The following GYG1 variants were observed in gnomAD, a reference collection of about 807,000 sequenced individuals.
The protein encoded by GYG1 is glycogenin-1.
A neutral mutation model predicts 41.9 loss-of-function variants in GYG1; 44 were observed. The ratio of observed to expected loss-of-function variants is 1.05; its 90% CI spans 0.83 to 1.35. GYG1 has a LOEUF of 1.35. Among genes scored for constraint, GYG1 ranks in the 40% most tolerant of loss-of-function variants. GYG1 has a pLI of 0.00. For synonymous variants in GYG1, 141 were observed against 158.1 expected, an observed-to-expected ratio of 0.89 and a Z score of 0.81; for missense variants, 429 against 418.9, an observed-to-expected ratio of 1.02 and a Z score of -0.21.
rs1446800294 is a variant in GYG1, at chr3:149,028,704, A to C, written c.*1771A>C. 1.4e-5 allele frequency among the ~76,000 whole-genome samples: 2 copies of C among 142,928 alleles called. No homozygotes were observed. The highest frequency in any genetic ancestry group is 2.0e-4 in the East Asian group (1 of 4,896). 93.8% of individuals were successfully genotyped at this position (142,928 alleles called of 152,430 possible). ...AGGTGGAAAAGCTGACATAGTTTTA[A>C]ATTTTTTTTTTTTTTTTTTTTTTTC... On this transcript the variant is annotated 3_prime_UTR_variant, in exon 8 of 8. Coordinates refer to ENST00000345003, the MANE Select transcript of GYG1 (RefSeq NM_004130.4).
intron 1 of GYG1, chr3:148,992,450 T>C (rs1246866628): frequency 1.3e-5 from 2 of 152,304 alleles, no homozygotes; most frequent in African/African-American, 4.8e-5. Flanking sequence ...CATTGGTCTT[T>C]CTTGGTCATT....
Position 148,991,626 on chromosome 3 carries a change from G to C in GYG1, c.-15G>C. ...ACCTGAGGCTGCCCCGGCCGCCTGC[G>C]CACCCGGCAGCACCATGACAGGTAC... On this transcript the variant is annotated 5_prime_UTR_variant, in exon 1 of 8. Coordinates refer to ENST00000345003, the MANE Select transcript of GYG1 (RefSeq NM_004130.4). 6.4e-7 allele frequency: 1 copy of C among 1,552,832 alleles called. No individual in the cohort carries two copies. The highest frequency in any genetic ancestry group is 8.6e-7 in the Non-Finnish European group (1 of 1,158,096).
chr3:149,015,646 G>C (rs1032954042), intron 5 of GYG1, among the ~76,000 whole-genome samples: 1 of 152,164 alleles, frequency 6.6e-6, no homozygotes, highest in Non-Finnish European at 1.5e-5. Context: ...GCAAGAGGAC[G>C]TCTGGTGGAG....
chr3:149,017,567 A>G (rs1041260253), intron 5 of GYG1, among the ~76,000 whole-genome samples: 5 of 31,522 alleles, frequency 1.6e-4, no homozygotes, highest in Admixed American at 3.8e-4. Context: ...TTATTTATTT[A>G]TTTCTTTTAT....
Position 148,991,556 on chromosome 3 carries a change from TCGCTGGCCG to T in GYG1, c.-80_-72del. 1 of 1,522,936 alleles carries T rather than the reference TCGCTGGCCG, an allele frequency of 6.6e-7. No individual in the cohort carries two copies. The highest frequency in any genetic ancestry group is 8.8e-7 in the Non-Finnish European group (1 of 1,138,458). 94.3% of individuals were successfully genotyped at this position (1,522,936 alleles called of 1,614,324 possible). A position where few individuals can be genotyped will look rare whatever the true frequency, so the allele number is the denominator to read the frequency against. On this transcript the variant is annotated 5_prime_UTR_variant, in exon 1 of 8. Transcript: ENST00000345003. ...ACGCTCGGTTCCCCGCCGTGCCTCC[TCGCTGGCCG>T]CGCTCCCTCCCGGTGCCGGCTTCTC...
At chr3:149,025,444 G>T (rs1034081598) in intron 6 of GYG1, among the ~76,000 whole-genome samples, 1 of 152,148 alleles carries the variant, frequency 6.6e-6, no homozygotes, top group Admixed American at 6.5e-5. Context: ...TTCCTAACAG[G>T]CCATGGACTA....
At chr3:149,006,603 A>C (rs765670051) in intron 4 of GYG1, among the ~76,000 whole-genome samples, 51 of 152,240 alleles carry the variant, frequency 3.3e-4, no homozygotes, top group Non-Finnish European at 5.6e-4. Flanking sequence ...TAGCTGAGAA[A>C]TATCCCACAT....
At position 149,029,982 on chromosome 3, in the gene GYG1, G is replaced by A. The variant is rs1290130062; in HGVS notation, c.*3049G>A. 1 of 152,124 alleles carries A rather than the reference G, an allele frequency of 6.6e-6. No individual in the cohort carries two copies. Among genetic ancestry groups the A allele is most frequent in the Non-Finnish European group, 1.5e-5 (1 of 68,020 alleles). 9.4% of individuals were successfully genotyped at this position (152,124 alleles called of 1,614,324 possible). On this transcript the variant is annotated 3_prime_UTR_variant, in exon 8 of 8. Coordinates refer to ENST00000345003, the MANE Select transcript of GYG1 (RefSeq NM_004130.4). ...AACCAGCTAAATTGAGCAAAATAAA[G>A]TTAGTTAGGATATGAGGACATTATT...
intron 4 of GYG1, chr3:149,001,150 T>G (rs1433771421): frequency 6.6e-6 from 1 of 152,172 alleles, no homozygotes; most frequent in Non-Finnish European, 1.5e-5. Context: ...CTGAGAGATT[T>G]TGGTGTGCTT....
chr3:149,024,191 G>T lies in GYG1; in HGVS notation c.747G>T (p.Trp249Cys), dbSNP rs1475763168. ...NMTHPEFLIL[W>C]WNIFTTNVLP... ...CTCATCCAGAGTTTCTCATCCTGTG[G>T]TGGAACATCTTTACCACCAACGTTT... Residue 249 changes from tryptophan to cysteine, a missense_variant, in exon 6 of 8, where the codon TGG becomes TGT. Physicochemically the swap from Trp to Cys is radical, Grantham distance 215. Coordinates refer to ENST00000345003, the MANE Select transcript of GYG1 (RefSeq NM_004130.4). The T allele has an allele frequency of 4.3e-6, 7 of 1,614,010 alleles. No homozygotes were observed. Among genetic ancestry groups the T allele is most frequent in the Non-Finnish European group, 5.9e-6 (7 of 1,179,878 alleles).
intron 6 of GYG1, among the ~76,000 whole-genome samples, chr3:149,024,721 G>T (rs543976410): frequency 6.6e-6 from 1 of 152,244 alleles, no homozygotes; most frequent in South Asian, 2.1e-4. Context: ...TACTTCTATA[G>T]GATTGTTTTT....
At chr3:148,996,528 G>A (rs773530273) in intron 3 of GYG1, 52 bp downstream of exon 3, 1 of 1,478,096 alleles carries the variant, frequency 6.8e-7, no homozygotes. Flanking sequence ...ATATGGTGAT[G>A]GAGACCTGTA....
At position 149,027,489 on chromosome 3, in the gene GYG1, A is replaced by G. The variant is rs1437452898; in HGVS notation, c.*556A>G. 1 of 157,608 alleles carries G rather than the reference A, an allele frequency of 6.3e-6. No individual in the cohort carries two copies. The highest frequency in any genetic ancestry group is 2.4e-5 in the African/African-American group (1 of 41,488). The allele number at this position is 157,608 out of a possible 1,614,324, so 9.8% of individuals were successfully genotyped here. On this transcript the variant is annotated 3_prime_UTR_variant, in exon 8 of 8. Coordinates refer to ENST00000345003, the MANE Select transcript of GYG1 (RefSeq NM_004130.4). Reference sequence around the variant, plus strand: ...TTTATTTCCTGTCCTTAGTGTCTGAAGATGCTCACCAGTTTTCTGTGTACA... The same window carrying G: ...TTTATTTCCTGTCCTTAGTGTCTGAGGATGCTCACCAGTTTTCTGTGTACA...
chr3:148,999,222 G>A (rs182177885), intron 4 of GYG1, among the ~76,000 whole-genome samples: 81 of 152,284 alleles, frequency 5.3e-4, no homozygotes, highest in Non-Finnish European at 8.7e-4. Context: ...TGAAACCACC[G>A]TGAGATTCTG....
At chr3:149,000,123 CTATTCTGTGACTCTGGCCAAGAGAA>C (rs1184669381) in intron 4 of GYG1, among the ~76,000 whole-genome samples, 1 of 152,238 alleles carries the variant, frequency 6.6e-6, no homozygotes, top group Non-Finnish European at 1.5e-5. Flanking sequence ...CTCCACCTCT[CTATTCTGTGACTCTGGCCAAGAGAA>C]TAATCCTAAT....
chr3:149,026,001 A>G (rs1053388944), intron 6 of GYG1, among the ~76,000 whole-genome samples: 21 of 152,204 alleles, frequency 1.4e-4, no homozygotes, highest in African/African-American at 4.8e-4. Flanking sequence ...GACTAATCCA[A>G]TGGAAGGACT....
At chr3:149,026,564 A>G (rs748013275) in intron 7 of GYG1, 62 bp downstream of exon 7, 18 of 1,112,172 alleles carry the variant, frequency 1.6e-5, no homozygotes, top group Non-Finnish European at 2.4e-5. Context: ...CACTGAGTCA[A>G]GAAGTCTTCA....
chr3:148,991,590 C>T lies in GYG1; in HGVS notation c.-51C>T, dbSNP rs1712463636. On this transcript the variant is annotated 5_prime_UTR_variant, in exon 1 of 8. Transcript: ENST00000345003. ...GCGCTCCCTCCCGGTGCCGGCTTCT[C>T]TGAGTCACCAACCTGAGGCTGCCCC... 2 of 1,550,916 alleles carry T rather than the reference C, an allele frequency of 1.3e-6. No individual in the cohort carries two copies. Among genetic ancestry groups the T allele is most frequent in the Non-Finnish European group, 1.7e-6 (2 of 1,156,486 alleles).
chr3:149,019,086 A>AG (rs1037867103), intron 5 of GYG1, among the ~76,000 whole-genome samples: 11 of 151,500 alleles, frequency 7.3e-5, no homozygotes, highest in East Asian at 3.9e-4. Flanking sequence ...AAAAAAAAAA[A>AG]AGAGAAAGTA....
Sources: gnomAD v4.1 joint callset for allele counts (sites outside exome capture counted in the v4.1 genomes callset) on GRCh38, gnomAD v4.1.1 for gene constraint, MANE v1.5 for transcripts, NCBI Gene and HGNC (gene_info 2026-07-23, HGNC 2026-07-21) for gene names.